The following ZMIZ1 variants were observed in gnomAD, a reference collection of about 807,000 sequenced individuals.
ZMIZ1 encodes zinc finger MIZ domain-containing protein 1.
ZMIZ1 carries 17 observed loss-of-function variants against 113.9 expected under a neutral mutation model. The observed-to-expected ratio is 0.15, with a 90% CI of 0.10 to 0.22. The LOEUF (loss-of-function observed/expected upper bound fraction) is 0.22, where lower values mean the gene tolerates loss of function less well. ZMIZ1 is among the 10% of genes least tolerant of loss of function. The pLI is 1.00. For synonymous variants in ZMIZ1, 607 were observed against 603.1 expected (o/e 1.01, Z -0.09); for missense variants, 1,059 against 1,477.8 (o/e 0.72, Z 4.65).
At position 79,297,633 on chromosome 10, in the gene ZMIZ1, A is replaced by G; in HGVS notation, c.1434A>G (p.Gln478=). ...QYYKPEQFNG[Q]NNTFSGSSYS... is the part of the protein sequence containing the mutation. ...AATAGCCAGAACAGTTTAATGGACA[A>G]AATAACACGTTCTCGGGAAGCAGCT... Residue 478 remains glutamine, a synonymous_variant, in exon 14 of 25, where the codon CAA becomes CAG. Transcript: ENST00000334512. The G allele has an allele frequency of 3.1e-6, 5 of 1,614,160 alleles. No homozygotes were observed. Among genetic ancestry groups the G allele is most frequent in the Non-Finnish European group, 4.2e-6 (5 of 1,180,010 alleles).
At chr10:79,079,188 A>G (rs777801815) in intron 1 of ZMIZ1, among the ~76,000 whole-genome samples, 1 of 152,248 alleles carries the variant, frequency 6.6e-6, no homozygotes, top group Non-Finnish European at 1.5e-5. Flanking sequence ...AGCAAGGCCA[A>G]CTGGGCAGAG....
At chr10:79,216,118 A>G (rs1589435414) in intron 6 of ZMIZ1, 51 bp from the exon 7 acceptor site, 5 of 1,359,966 alleles carry the variant, frequency 3.7e-6, no homozygotes, top group Non-Finnish European at 4.9e-6. Flanking sequence ...GGGCATATCC[A>G]TTGGCTCTGG....
chr10:79,247,234 G>A (rs1479451681), intron 7 of ZMIZ1, among the ~76,000 whole-genome samples: 3 of 152,210 alleles, frequency 2.0e-5, no homozygotes, highest in Non-Finnish European at 4.4e-5. Flanking sequence ...GACCTTTGGC[G>A]ACACTCTCAG....
intron 7 of ZMIZ1, among the ~76,000 whole-genome samples, chr10:79,270,314 T>TTCTGA (rs1168221735): frequency 6.6e-6 from 1 of 152,228 alleles, no homozygotes; most frequent in Admixed American, 6.5e-5. Flanking sequence ...CCTGGTCCCC[T>TTCTGA]TCTGATCCTC....
At chr10:79,085,366 T>G (rs1183631763) in intron 1 of ZMIZ1, among the ~76,000 whole-genome samples, 1 of 152,230 alleles carries the variant, frequency 6.6e-6, no homozygotes, top group Non-Finnish European at 1.5e-5. Flanking sequence ...ATGCCCAGCG[T>G]GACGCCAGGC....
chr10:79,168,861 C>T (rs1321037009), intron 4 of ZMIZ1, among the ~76,000 whole-genome samples: 2 of 152,196 alleles, frequency 1.3e-5, no homozygotes, highest in Non-Finnish European at 2.9e-5. Flanking sequence ...CCCCAGAAAA[C>T]TTTCTAGAGC....
intron 1 of ZMIZ1, among the ~76,000 whole-genome samples, chr10:79,076,873 A>C (rs569400253): frequency 6.6e-6 from 1 of 152,162 alleles, no homozygotes; most frequent in East Asian, 1.9e-4. Flanking sequence ...GAAACCATCT[A>C]GGGAGGGTAC....
At chr10:79,258,739 C>T (rs1851076451) in intron 7 of ZMIZ1, among the ~76,000 whole-genome samples, 1 of 152,224 alleles carries the variant, frequency 6.6e-6, no homozygotes, top group African/African-American at 2.4e-5. Flanking sequence ...TTTCATGAGC[C>T]TTCCATGAGT....
rs1192629911 is a variant in ZMIZ1 at position 79,314,413 on chromosome 10, TC to T, written c.*1666del. 5 of 368,448 alleles carry T rather than the reference TC, an allele frequency of 1.4e-5. No homozygotes were observed. The highest frequency in any genetic ancestry group is 4.2e-5 in the African/African-American group (2 of 47,266). The allele number at this position is 368,448 out of a possible 1,614,324, so 22.8% of individuals were successfully genotyped here. ...GGAAAGGTGGCCCCAGCTGTTGACT[TC>T]CAGTCACTGTCCCAGACGGCACAAG... On this transcript the variant is annotated 3_prime_UTR_variant, in exon 25 of 25. Coordinates refer to ENST00000334512, the MANE Select transcript of ZMIZ1 (RefSeq NM_020338.4).
At chr10:79,262,379 T>C (rs1408059353) in intron 7 of ZMIZ1, among the ~76,000 whole-genome samples, 3 of 152,226 alleles carry the variant, frequency 2.0e-5, no homozygotes, top group Non-Finnish European at 4.4e-5. Flanking sequence ...TGGGCAAGAT[T>C]GAGAATCCCT....
chr10:79,158,438 G>A (rs1053794551), intron 3 of ZMIZ1, among the ~76,000 whole-genome samples: 1 of 152,190 alleles, frequency 6.6e-6, no homozygotes, highest in Non-Finnish European at 1.5e-5. Context: ...CTTGCTCAAG[G>A]TCACCCAGCA....
intron 7 of ZMIZ1, among the ~76,000 whole-genome samples, chr10:79,246,876 C>T (rs1305325485): frequency 2.0e-5 from 3 of 152,224 alleles, no homozygotes; most frequent in Non-Finnish European, 4.4e-5. Context: ...AAGGGACTTC[C>T]TGCCCCAAGG....
intron 7 of ZMIZ1, among the ~76,000 whole-genome samples, chr10:79,241,142 TAAA>T (rs1375000376): frequency 6.6e-6 from 1 of 152,190 alleles, no homozygotes; most frequent in East Asian, 1.9e-4. Context: ...TTGACATTGT[TAAA>T]AACCAGATTA....
At chr10:79,113,408 C>T (rs1564657565) in intron 1 of ZMIZ1, among the ~76,000 whole-genome samples, 2 of 152,294 alleles carry the variant, frequency 1.3e-5, no homozygotes, top group African/African-American at 2.4e-5. Context: ...TGCTGCTGCC[C>T]GGGCAGCTAG....
intron 8 of ZMIZ1, among the ~76,000 whole-genome samples, chr10:79,278,573 G>T (rs1353807552): frequency 6.6e-6 from 1 of 151,536 alleles, no homozygotes; most frequent in Non-Finnish European, 1.5e-5. Context: ...TTCCTAGGCA[G>T]AGGGTCCTGC....
rs753809314 is a variant in ZMIZ1 at position 79,277,210 on chromosome 10, G to A, written c.310G>A (p.Gly104Ser). The change falls in exon 8 of 25, where the codon GGC becomes AGC. Residue 104 changes from glycine (G) to serine (S), a missense_variant. Physicochemically the swap from Gly to Ser is moderately conservative, Grantham distance 56. This residue lies in a region of ZMIZ1 where 272 missense variants were observed against 350.4 expected (regional missense o/e 0.78). Coordinates refer to ENST00000334512, the MANE Select transcript of ZMIZ1 (RefSeq NM_020338.4). ...GTTGTCCTCCTGGTGCGAAGAGCTC[G>A]GCCGCCTGCTGCTGCTCCGACATCA... ...ALLSSWCEELGRLLLLRHQKS... is the reference protein window; with the variant it reads ...ALLSSWCEELSRLLLLRHQKS... The A allele has an allele frequency of 2.5e-5, 40 of 1,575,824 alleles. No individual in the cohort carries two copies. Among genetic ancestry groups the A allele is most frequent in the Admixed American group, 3.7e-5 (2 of 54,246 alleles).
intron 7 of ZMIZ1, among the ~76,000 whole-genome samples, chr10:79,267,961 A>G (rs1303166079): frequency 6.6e-6 from 1 of 152,124 alleles, no homozygotes; most frequent in Non-Finnish European, 1.5e-5. Context: ...ATGGCTATAG[A>G]ACTTGGGGTC....
intron 2 of ZMIZ1, among the ~76,000 whole-genome samples, chr10:79,139,282 C>T (rs1407162769): frequency 6.6e-6 from 1 of 152,042 alleles, no homozygotes; most frequent in South Asian, 2.1e-4. Flanking sequence ...CCAGGCACGG[C>T]GCAGAGAGGA....
chr10:79,217,347 C>A (rs1045057863), intron 7 of ZMIZ1, among the ~76,000 whole-genome samples: 1 of 152,126 alleles, frequency 6.6e-6, no homozygotes, highest in Non-Finnish European at 1.5e-5. Flanking sequence ...ATGGCGTGAA[C>A]CCAGGAGGCG....
Sources: allele counts gnomAD v4.1 joint callset (sites outside exome capture counted in the v4.1 genomes callset), GRCh38; gene constraint gnomAD v4.1.1; regional missense constraint gnomAD v4.1.1; transcripts MANE v1.5; gene names NCBI Gene and HGNC (gene_info 2026-07-23, HGNC 2026-07-21).